AP1B1: variants seen among roughly 807,000 people sequenced by gnomAD.
AP1B1 encodes the protein adaptor related protein complex 1 subunit beta 1, also known as AP-1 complex subunit beta-1.
In AP1B1, 36 loss-of-function variants were observed where a neutral mutation model predicts 104.3. The observed-to-expected ratio is 0.35, with a 90% CI of 0.26 to 0.46. AP1B1 has a LOEUF of 0.46. Ranked by LOEUF, AP1B1 falls within the 20% of genes least tolerant of loss-of-function variation. The probability of loss-of-function intolerance (pLI) is 1.00; values close to 1 mark genes in which losing one functional copy is unlikely to be tolerated. For synonymous variants in AP1B1, 504 were observed against 517.5 expected, an observed-to-expected ratio of 0.97 and a Z score of 0.35; for missense variants, 901 against 1,247.9, an observed-to-expected ratio of 0.72 and a Z score of 4.19.
chr22:29,362,939 C>T (rs2062074040), intron 3 of AP1B1, 62 bp downstream of exon 3: 5 of 1,067,294 alleles, frequency 4.7e-6, no homozygotes, highest in Non-Finnish European at 7.3e-6. Flanking sequence ...GAAGTGGACC[C>T]AAGCTATAAA....
chr22:29,368,717 G>A (rs2062182396), intron 1 of AP1B1, among the ~76,000 whole-genome samples: 1 of 150,262 alleles, frequency 6.7e-6, no homozygotes, highest in Admixed American at 6.6e-5. Context: ...CCCTTCTGAC[G>A]AGGAGGACAG....
chr22:29,384,624 T>C (rs746274149), intron 1 of AP1B1, among the ~76,000 whole-genome samples: 51 of 152,246 alleles, frequency 3.3e-4, no homozygotes, highest in Non-Finnish European at 5.6e-4. Context: ...TCCCAGCACT[T>C]TGGGAGGCCG....
At chr22:29,376,305 G>A (rs911213138) in intron 1 of AP1B1, among the ~76,000 whole-genome samples, 22 of 152,304 alleles carry the variant, frequency 1.4e-4, no homozygotes, top group Middle Eastern at 3.4e-3. Flanking sequence ...TCTTCAATCA[G>A]ATGAGAAGTG....
At chr22:29,362,585 T>C (rs1047881401) in intron 3 of AP1B1, among the ~76,000 whole-genome samples, 2 of 152,110 alleles carry the variant, frequency 1.3e-5, no homozygotes, top group African/African-American at 4.8e-5. Context: ...GACCTCGAGA[T>C]CCGCCCGCCT....
intron 1 of AP1B1, among the ~76,000 whole-genome samples, chr22:29,387,067 G>A (rs1180260267): frequency 1.3e-5 from 2 of 152,228 alleles, no homozygotes; most frequent in Non-Finnish European, 2.9e-5. Context: ...CCACTCTGAA[G>A]AGAAGTTCTC....
chr22:29,340,751 G>A lies in AP1B1; in HGVS notation c.1903C>T (p.Leu635=). Residue 635 remains leucine, a synonymous_variant, in exon 14 of 23, where the codon CTG becomes TTG. Coordinates refer to ENST00000357586, the MANE Select transcript of AP1B1 (RefSeq NM_001127.4). ...QGDLLGDLLN[L]DLGPPVSGPP... ...CCGCTCACTGGGGGGCCGAGGTCCA[G>A]GTTGAGGAGGTCACCCAGCAGGTCG... 2 of 1,597,854 alleles carry A rather than the reference G, an allele frequency of 1.3e-6. No individual in the cohort carries two copies.
In AP1B1 at chr22:29,330,531, C is replaced by T. The variant is rs774618138; in HGVS notation, c.2613G>A (p.Glu871=). Reference sequence around the variant, plus strand: ...TGCTCTGCAGCTTGCTGCTCGCAGCCTCTGTGGGGTCACATGGCCGTGAGA... The same window carrying T: ...TGCTCTGCAGCTTGCTGCTCGCAGCTTCTGTGGGGTCACATGGCCGTGAGA... ...FQIRDCPLNA[E]AASSKLQSSN... The change falls in exon 21 of 23, where the codon GAG becomes GAA. Residue 871 remains glutamate, a splice_region_variant and synonymous_variant. Transcript: ENST00000357586. 13 of 1,610,170 alleles carry T rather than the reference C, an allele frequency of 8.1e-6. No homozygotes were observed. The African/African-American group carries it at 1.6e-4, about 20-fold the overall frequency.
Position 29,351,124 on chromosome 22 carries a change from AG to A in AP1B1, c.1155+46del, listed in dbSNP as rs761550723. ...TGAATCAGACTGGTTTCCCGGTTTC[AG>A]CCCCCTTTTCCTTCTCCAGCCAAGG... On this transcript the variant is annotated intron_variant, in intron 9 of 22. Coordinates refer to ENST00000357586, the MANE Select transcript of AP1B1 (RefSeq NM_001127.4). The A allele has an allele frequency of 7.7e-6, 12 of 1,550,630 alleles. No homozygotes were observed. In the African/African-American group the frequency reaches 1.2e-4, roughly 16 times the overall value.
chr22:29,371,701 T>G (rs1279640948), intron 1 of AP1B1, among the ~76,000 whole-genome samples: 3 of 152,054 alleles, frequency 2.0e-5, no homozygotes, highest in Admixed American at 6.5e-5. Flanking sequence ...GCACTCTAGC[T>G]TGGGCGACAG....
Position 29,358,820 on chromosome 22 carries a change from C to G in AP1B1, c.431G>C (p.Cys144Ser), listed in dbSNP as rs1827944222. 1 of 1,614,270 alleles carries G rather than the reference C, an allele frequency of 6.2e-7. No individual in the cohort carries two copies. Among genetic ancestry groups the G allele is most frequent in the African/African-American group, 1.3e-5 (1 of 75,076 alleles). The part of the protein sequence containing the change: ...DPYVRKTAAV[C>S]VAKLHDINAQ... Reference sequence around the variant, plus strand: ...GTTGATGTCGTGGAGCTTGGCCACGCACACAGCTGCTGTCTTGCGCACATA... The same window carrying G: ...GTTGATGTCGTGGAGCTTGGCCACGGACACAGCTGCTGTCTTGCGCACATA... Residue 144 changes from cysteine (C) to serine (S), a missense_variant, in exon 5 of 23, where the codon TGC (cysteine) becomes TCC (serine). By Grantham distance (112) the Cys-to-Ser change is moderately radical (BLOSUM62 -1). This residue lies in a region of AP1B1 where 471 missense variants were observed against 696.7 expected (regional missense o/e 0.68). Transcript: ENST00000357586.
Position 29,331,907 on chromosome 22 carries a change from C to T in AP1B1, c.2319G>A (p.Leu773=). ...AIQFNRNSFG[L]APAAPLQVHA... ...GGACCTGGAGGGGGGCGGCGGGGGC[C>T]AGGCCAAAGCTGGGGAGAGAGAAGC... The change falls in exon 18 of 23, where the codon CTG becomes CTA. Residue 773 remains leucine (L), a synonymous_variant. Coordinates refer to ENST00000357586, the MANE Select transcript of AP1B1 (RefSeq NM_001127.4). The T allele has an allele frequency of 6.2e-7, 1 of 1,609,840 alleles. No homozygotes were observed. Among genetic ancestry groups the T allele is most frequent in the Non-Finnish European group, 8.5e-7 (1 of 1,178,068 alleles).
chr22:29,339,825 GA>G, intron 14 of AP1B1, 51 bp from the exon 15 acceptor site: 1 of 1,576,218 alleles, frequency 6.3e-7, no homozygotes, highest in Non-Finnish European at 8.6e-7. Flanking sequence ...CATGCAGAGA[GA>G]AAAAGCCAGG....
intron 14 of AP1B1, among the ~76,000 whole-genome samples, chr22:29,340,151 C>A (rs901027476): frequency 2.0e-5 from 3 of 152,164 alleles, no homozygotes; most frequent in Non-Finnish European, 4.4e-5. Context: ...CAGGGAGATA[C>A]CCAAGTCAGT....
chr22:29,383,471 G>A (rs998193382), intron 1 of AP1B1, among the ~76,000 whole-genome samples: 8 of 152,180 alleles, frequency 5.3e-5, no homozygotes, highest in African/African-American at 1.9e-4. Flanking sequence ...AGCACTTTGG[G>A]AGGCTGAGGT....
intron 1 of AP1B1, among the ~76,000 whole-genome samples, chr22:29,381,537 G>T (rs1428945324): frequency 6.6e-6 from 1 of 152,110 alleles, no homozygotes; most frequent in Non-Finnish European, 1.5e-5. Context: ...CCATTCACGG[G>T]GTTATCCAGG....
intron 6 of AP1B1, among the ~76,000 whole-genome samples, chr22:29,355,855 G>A (rs1430600791): frequency 1.9e-4 from 25 of 129,572 alleles, no homozygotes; most frequent in African/African-American, 7.5e-4. Flanking sequence ...CAGAGACCCT[G>A]CCAAAAAAAA....
chr22:29,351,377 C>T (rs979586976), intron 8 of AP1B1, 111 bp from the exon 9 acceptor site: 2 of 1,254,476 alleles, frequency 1.6e-6, no homozygotes, highest in Non-Finnish European at 2.3e-6. Context: ...GATTCTGCCT[C>T]CTGCTCCAGG....
At chr22:29,329,650 G>C in intron 22 of AP1B1, 62 bp downstream of exon 22, 1 of 1,609,808 alleles carries the variant, frequency 6.2e-7, no homozygotes, top group Admixed American at 1.7e-5. Context: ...GGGTGCATGG[G>C]GGCCATGACA....
intron 6 of AP1B1, 113 bp from the exon 7 acceptor site, chr22:29,354,984 C>T (rs938666662): frequency 2.1e-6 from 2 of 955,536 alleles, no homozygotes; most frequent in African/African-American, 1.6e-5. Context: ...GCCTGTAATC[C>T]CAGCACTTTG....
Sources: gnomAD v4.1 joint callset for allele counts (sites outside exome capture counted in the v4.1 genomes callset) on GRCh38, gnomAD v4.1.1 for gene constraint, gnomAD v4.1.1 regional missense constraint, MANE v1.5 for transcripts, NCBI Gene and HGNC (gene_info 2026-07-23, HGNC 2026-07-21) for gene names.